The following STARD13 variants were observed in gnomAD, a reference collection of about 807,000 sequenced individuals.
STARD13 encodes stAR-related lipid transfer protein 13.
STARD13 carries 62 observed loss-of-function variants against 106.4 expected under a neutral mutation model. That is an observed-to-expected ratio of 0.58 (90% CI 0.48 to 0.72). The LOEUF (loss-of-function observed/expected upper bound fraction) is 0.72, where lower values mean the gene tolerates loss of function less well. STARD13 is among the 30% of genes least tolerant of loss of function. STARD13 has a pLI of 0.00. For missense variants in STARD13, 1,387 were observed against 1,424.0 expected, an observed-to-expected ratio of 0.97 and a Z score of 0.42; for synonymous variants, 565 against 553.0, an observed-to-expected ratio of 1.02 and a Z score of -0.31.
At chr13:33,140,947 C>T (rs1046970699) in intron 4 of STARD13, among the ~76,000 whole-genome samples, 2 of 151,944 alleles carry the variant, frequency 1.3e-5, no homozygotes, top group African/African-American at 2.4e-5. Context: ...TTAGTAGAGA[C>T]GGGTTTCACC....
chr13:33,374,262 A>T, the STARD13 span, among the ~76,000 whole-genome samples: 1 of 152,178 alleles, frequency 6.6e-6, no homozygotes, highest in South Asian at 2.1e-4. Context: ...AAAAGTAGAA[A>T]TGGTGGTTTC....
the STARD13 span, among the ~76,000 whole-genome samples, chr13:33,591,817 A>G: frequency 6.6e-6 from 1 of 151,656 alleles, no homozygotes. Context: ...GAAAAAAAAG[A>G]AACATAAAAA....
the STARD13 span, among the ~76,000 whole-genome samples, chr13:33,417,151 G>T: frequency 6.6e-6 from 1 of 152,144 alleles, no homozygotes; most frequent in African/African-American, 2.4e-5. Context: ...TTAGAAAAAT[G>T]CCAATCAAAA....
the STARD13 span, among the ~76,000 whole-genome samples, chr13:33,642,309 A>G: frequency 7.2e-5 from 11 of 152,366 alleles, no homozygotes; most frequent in African/African-American, 2.6e-4. Context: ...TGTGATCAGC[A>G]ATGCAGACAG....
At chr13:33,581,413 G>A in the STARD13 span, among the ~76,000 whole-genome samples, 1 of 151,876 alleles carries the variant, frequency 6.6e-6, no homozygotes, top group Admixed American at 6.6e-5. Flanking sequence ...AATTTGTCTT[G>A]GTAGTTAATT....
the STARD13 span, among the ~76,000 whole-genome samples, chr13:33,517,043 T>C: frequency 1.3e-5 from 2 of 152,076 alleles, no homozygotes. Context: ...GATATATTGG[T>C]TTCAATAAAA....
At chr13:33,515,398 AT>A in the STARD13 span, among the ~76,000 whole-genome samples, 1 of 152,148 alleles carries the variant, frequency 6.6e-6, no homozygotes, top group Non-Finnish European at 1.5e-5. Flanking sequence ...CACATAAGCA[AT>A]TGTCTCAGCA....
the STARD13 span, among the ~76,000 whole-genome samples, chr13:33,589,521 A>G: frequency 2.4e-3 from 367 of 152,320 alleles, 5 homozygotes; most frequent in African/African-American, 8.0e-3. Flanking sequence ...TTGGTTTCGA[A>G]GAACATCTTT....
the STARD13 span, chr13:33,658,402 T>C: frequency 3.9e-5 from 6 of 152,274 alleles, no homozygotes; most frequent in Non-Finnish European, 7.3e-5. Context: ...GTTTTGTTTA[T>C]GTGGTGTTTT....
chr13:33,341,516 G>T (rs910980675), intron 1 of STARD13, among the ~76,000 whole-genome samples: 2 of 151,368 alleles, frequency 1.3e-5, no homozygotes, highest in Non-Finnish European at 2.9e-5. Context: ...GCTTCAACTC[G>T]GGAGGTGGAG....
chr13:33,127,688 A>T lies in STARD13; in HGVS notation c.1749-142T>A, dbSNP rs1274963397. 6 of 742,510 alleles carry T rather than the reference A, an allele frequency of 8.1e-6. No individual in the cohort carries two copies. The East Asian group carries it at 1.9e-4, about 24-fold the overall frequency. 46.0% of individuals were successfully genotyped at this position (742,510 alleles called of 1,614,324 possible). On this transcript the variant is annotated intron_variant, in intron 5 of 13. Transcript: ENST00000336934. ...GCAAAGCAAATGGAACAGAAGACACAAGTGTGCAGAATAAACATAGGACAT... is the reference window on the plus strand; with the variant it reads ...GCAAAGCAAATGGAACAGAAGACACTAGTGTGCAGAATAAACATAGGACAT...
chr13:33,169,762 A>G (rs1185044182), intron 1 of STARD13, among the ~76,000 whole-genome samples: 2 of 152,208 alleles, frequency 1.3e-5, no homozygotes, highest in Non-Finnish European at 2.9e-5. Context: ...TAGAAAGCTC[A>G]AAGACAGAGA....
At chr13:33,165,226 T>A (rs1174710222) in intron 3 of STARD13, 111 bp downstream of exon 3, 3 of 810,706 alleles carry the variant, frequency 3.7e-6, no homozygotes, top group Non-Finnish European at 6.5e-6. Context: ...GTCAGGCACA[T>A]GGTAGGCACT....
At chr13:33,432,665 A>G in the STARD13 span, among the ~76,000 whole-genome samples, 5 of 152,212 alleles carry the variant, frequency 3.3e-5, no homozygotes, top group Non-Finnish European at 5.9e-5. Flanking sequence ...TGGGGTATGA[A>G]TAGTACTTTC....
Position 33,126,147 on chromosome 13 carries a change from C to T in STARD13, c.2016G>A (p.Thr672=), listed in dbSNP as rs748285002. ...GAATACTTTGAGGCAGGGGCTGTCCCGTTCTTTGGACGTGGACTATGAGAG... is the reference window on the plus strand; with the variant it reads ...GAATACTTTGAGGCAGGGGCTGTCCTGTTCTTTGGACGTGGACTATGAGAG... ...GVPLIVHVQR[T]GQPLPQSIQQ... Residue 672 remains threonine (T), a synonymous_variant, in exon 7 of 14, where the codon ACG becomes ACA. Transcript: ENST00000336934. The T allele has an allele frequency of 8.7e-6, 14 of 1,614,036 alleles. No homozygotes were observed. In the East Asian group the frequency reaches 8.9e-5, roughly 10 times the overall value.
chr13:33,112,164 A>G (rs1390402361), intron 9 of STARD13, among the ~76,000 whole-genome samples: 2 of 152,198 alleles, frequency 1.3e-5, no homozygotes. Context: ...AAACCCCTTA[A>G]CTGCAAGCTC....
At chr13:33,432,744 TTA>T in the STARD13 span, among the ~76,000 whole-genome samples, 1 of 152,226 alleles carries the variant, frequency 6.6e-6, no homozygotes. Flanking sequence ...TGGCTGCTTT[TTA>T]ATGTTTGTAT....
At chr13:33,143,044 A>G (rs1202399403) in intron 3 of STARD13, among the ~76,000 whole-genome samples, 1 of 152,230 alleles carries the variant, frequency 6.6e-6, no homozygotes, top group Non-Finnish European at 1.5e-5. Flanking sequence ...GTGAGGACAC[A>G]GTGAGAAGGC....
the STARD13 span, among the ~76,000 whole-genome samples, chr13:33,497,739 T>C: frequency 6.6e-6 from 1 of 152,184 alleles, no homozygotes; most frequent in Non-Finnish European, 1.5e-5. Flanking sequence ...CCAAGTACTA[T>C]TGTGTCTTCT....
Sources: gnomAD v4.1 joint callset for allele counts (sites outside exome capture counted in the v4.1 genomes callset) on GRCh38, gnomAD v4.1.1 for gene constraint, MANE v1.5 for transcripts, NCBI Gene and HGNC (gene_info 2026-07-23, HGNC 2026-07-21) for gene names.